The following JAKMIP2 variants were observed in gnomAD, a reference collection of about 807,000 sequenced individuals.
JAKMIP2 encodes the protein janus kinase and microtubule interacting protein 2, also known as janus kinase and microtubule-interacting protein 2.
Under a neutral mutation model 115.0 loss-of-function variants are expected in JAKMIP2, and 25 were observed. The ratio of observed to expected loss-of-function variants is 0.22; its 90% CI spans 0.16 to 0.30. The LOEUF (loss-of-function observed/expected upper bound fraction) is 0.30, where lower values mean the gene tolerates loss of function less well. Ranked by LOEUF, JAKMIP2 falls within the 10% of genes least tolerant of loss-of-function variation. JAKMIP2 has a pLI of 1.00. For synonymous variants in JAKMIP2, 334 were observed against 343.6 expected, an observed-to-expected ratio of 0.97 and a Z score of 0.31; for missense variants, 642 against 957.6, an observed-to-expected ratio of 0.67 and a Z score of 4.35.
chr5:147,601,759 C>A lies in JAKMIP2; in HGVS notation c.*2G>T. 6.6e-7 allele frequency: 1 copy of A among 1,524,242 alleles called. No homozygotes were observed. The highest frequency in any genetic ancestry group is 8.8e-7 in the Non-Finnish European group (1 of 1,131,828). 94.4% of individuals were successfully genotyped at this position (1,524,242 alleles called of 1,614,324 possible). On this transcript the variant is annotated 3_prime_UTR_variant, in exon 21 of 22. Transcript: ENST00000616793. ...ATCTTACCTTTAAGAGGCACCTTGA[C>A]ATCAAGGCCATAGAATAAAGGCAAG...
chr5:147,678,443 C>T (rs1443219656), intron 1 of JAKMIP2, among the ~76,000 whole-genome samples: 2 of 152,142 alleles, frequency 1.3e-5, no homozygotes, highest in Non-Finnish European at 2.9e-5. Context: ...TCCTCTGGGT[C>T]CATCCATGTC....
intron 21 of JAKMIP2, among the ~76,000 whole-genome samples, chr5:147,596,863 CTACTAA>C (rs1274683806): frequency 6.6e-6 from 1 of 151,870 alleles, no homozygotes; most frequent in Non-Finnish European, 1.5e-5. Context: ...TAAAATTTTC[CTACTAA>C]TACTTTATTT....
intron 1 of JAKMIP2, among the ~76,000 whole-genome samples, chr5:147,775,724 A>G (rs1755529658): frequency 6.6e-6 from 1 of 152,202 alleles, no homozygotes; most frequent in Non-Finnish European, 1.5e-5. Context: ...CAGTTGAAAG[A>G]GCTACTAGTT....
intron 3 of JAKMIP2, among the ~76,000 whole-genome samples, chr5:147,653,410 G>A (rs151246092): frequency 6.6e-6 from 1 of 152,210 alleles, no homozygotes; most frequent in East Asian, 1.9e-4. Flanking sequence ...ATTCTGACTA[G>A]TGTGGGATGG....
chr5:147,681,722 G>C (rs1467386212), intron 1 of JAKMIP2, among the ~76,000 whole-genome samples: 2 of 152,082 alleles, frequency 1.3e-5, no homozygotes, highest in African/African-American at 4.8e-5. Flanking sequence ...AGGAATCTCA[G>C]TGAGTCAGGA....
At chr5:147,611,967 G>T (rs549391363) in intron 20 of JAKMIP2, among the ~76,000 whole-genome samples, 114 of 152,200 alleles carry the variant, frequency 7.5e-4, no homozygotes, top group Non-Finnish European at 1.3e-3. Flanking sequence ...AAACAAAGGT[G>T]CTAAAAGATT....
In JAKMIP2 at chr5:147,623,686, T is replaced by A; in HGVS notation, c.1999A>T (p.Ile667Phe). The A allele has an allele frequency of 4.3e-6, 7 of 1,609,570 alleles. No individual in the cohort carries two copies. The highest frequency in any genetic ancestry group is 6.0e-6 in the Non-Finnish European group (7 of 1,175,848). The change falls in exon 17 of 22, where the codon ATC becomes TTC. Residue 667 changes from isoleucine (I) to phenylalanine (F), a missense_variant. Around this residue, in one of 6 missense-constraint regions of JAKMIP2, gnomAD observed 68 missense variants for 104.6 expected, o/e 0.65. Coordinates refer to ENST00000616793, the MANE Select transcript of JAKMIP2 (RefSeq NM_001270941.2). ...GCCTCAGCTCCTTCAATCTGCTGGATCCACTAAGGGGTTAACAAGACAAAA... is the reference window on the plus strand; with the variant it reads ...GCCTCAGCTCCTTCAATCTGCTGGAACCACTAAGGGGTTAACAAGACAAAA... Reference protein sequence around the residue: ...STVLSLAEKWIQQIEGAEAAL... With the variant: ...STVLSLAEKWFQQIEGAEAAL...
intron 1 of JAKMIP2, among the ~76,000 whole-genome samples, chr5:147,764,967 GGGGAGA>G (rs1561582734): frequency 9.4e-5 from 2 of 21,254 alleles, no homozygotes; most frequent in South Asian, 2.0e-3. Flanking sequence ...AGAGAGAGAG[GGGGAGA>G]GAGAGAGAGA....
intron 9 of JAKMIP2, among the ~76,000 whole-genome samples, chr5:147,640,429 C>T (rs928295341): frequency 2.6e-5 from 4 of 152,148 alleles, no homozygotes; most frequent in African/African-American, 9.7e-5. Flanking sequence ...TTCCTACCTT[C>T]CCTAGATAAA....
chr5:147,703,149 T>A (rs536888264), intron 1 of JAKMIP2, among the ~76,000 whole-genome samples: 2 of 152,228 alleles, frequency 1.3e-5, no homozygotes, highest in East Asian at 3.9e-4. Context: ...AGATATATTC[T>A]GAGGAATGTA....
At chr5:147,679,855 C>T (rs73270135) in intron 1 of JAKMIP2, among the ~76,000 whole-genome samples, 30,214 of 152,058 alleles carry the variant, frequency 0.2, 4,017 homozygotes, top group East Asian at 0.45. Flanking sequence ...TGGTTGCCGA[C>T]AGGCTACAGA....
intron 1 of JAKMIP2, among the ~76,000 whole-genome samples, chr5:147,738,514 T>C (rs1754011094): frequency 6.6e-6 from 1 of 152,116 alleles, no homozygotes; most frequent in African/African-American, 2.4e-5. Context: ...AAAGCAGCAA[T>C]AGTACCCACT....
At chr5:147,767,152 T>A (rs565668283) in intron 1 of JAKMIP2, among the ~76,000 whole-genome samples, 2 of 152,284 alleles carry the variant, frequency 1.3e-5, no homozygotes, top group Admixed American at 1.3e-4. Flanking sequence ...TAATGACCTG[T>A]TGGCTAAACT....
chr5:147,603,140 C>T (rs535691835), intron 20 of JAKMIP2, among the ~76,000 whole-genome samples: 7 of 152,216 alleles, frequency 4.6e-5, no homozygotes, highest in East Asian at 3.9e-4. Context: ...TAATCCCTGC[C>T]GTGTGGTGGG....
chr5:147,703,576 C>T (rs1043577061), intron 1 of JAKMIP2, among the ~76,000 whole-genome samples: 1 of 150,398 alleles, frequency 6.6e-6, no homozygotes, highest in African/African-American at 2.4e-5. Context: ...AAGAAGTTAA[C>T]CTTAGCGTAC....
intron 1 of JAKMIP2, among the ~76,000 whole-genome samples, chr5:147,742,155 A>ATATATATTTTTT: frequency 5.5e-5 from 6 of 108,908 alleles, no homozygotes; most frequent in African/African-American, 1.9e-4. Flanking sequence ...ATATATATAT[A>ATATATATTTTTT]TTTTTTTTAC....
chr5:147,695,024 T>C (rs935333977), intron 1 of JAKMIP2, among the ~76,000 whole-genome samples: 3 of 152,196 alleles, frequency 2.0e-5, no homozygotes, highest in African/African-American at 7.2e-5. Flanking sequence ...TATGTAACCA[T>C]TTCAGATGCA....
chr5:147,709,849 CA>C (rs548401021), intron 1 of JAKMIP2, among the ~76,000 whole-genome samples: 1 of 151,684 alleles, frequency 6.6e-6, no homozygotes, highest in Non-Finnish European at 1.5e-5. Flanking sequence ...GATTCCATCT[CA>C]AAAAAAACAA....
chr5:147,661,690 C>G, intron 2 of JAKMIP2: 1 of 464,836 alleles, frequency 2.2e-6, no homozygotes, highest in Non-Finnish European at 3.8e-6. Flanking sequence ...TGGGGCCTTA[C>G]TATGCAATGT....
Sources: gnomAD v4.1 joint callset for allele counts (sites outside exome capture counted in the v4.1 genomes callset) on GRCh38, gnomAD v4.1.1 for gene constraint, gnomAD v4.1.1 regional missense constraint, MANE v1.5 for transcripts, NCBI Gene and HGNC (gene_info 2026-07-23, HGNC 2026-07-21) for gene names.